The following MCC variants were observed in gnomAD, a reference collection of about 807,000 sequenced individuals.
MCC encodes the protein colorectal mutant cancer protein.
MCC carries 90 observed loss-of-function variants against 116.2 expected under a neutral mutation model. The observed-to-expected ratio is 0.77, with a 90% CI of 0.65 to 0.92. The LOEUF is 0.92. MCC is among the 40% of genes least tolerant of loss of function. The pLI is 0.00. For synonymous variants in MCC, 578 were observed against 510.5 expected (o/e 1.13, Z -1.78); for missense variants, 1,516 against 1,312.2 (o/e 1.16, Z -2.40).
chr5:113,215,130 T>C (rs1763263209), intron 3 of MCC, among the ~76,000 whole-genome samples: 1 of 152,198 alleles, frequency 6.6e-6, no homozygotes, highest in South Asian at 2.1e-4. Context: ...CAGCTATCAC[T>C]TCCTCCAGAA....
At chr5:113,444,209 G>A (rs986695159) in intron 1 of MCC, among the ~76,000 whole-genome samples, 4 of 152,104 alleles carry the variant, frequency 2.6e-5, no homozygotes, top group African/African-American at 9.7e-5. Flanking sequence ...ACAGGTTACA[G>A]GTCAATTTTA....
In MCC at chr5:113,104,262, G is replaced by T; in HGVS notation, c.1121C>A (p.Ser374Tyr). Residue 374 changes from serine (S) to tyrosine (Y), a missense_variant, in exon 7 of 19, where the codon TCC (serine) becomes TAC (tyrosine). Transcript: ENST00000408903. ...AATGTGCTTGTCCACCTCGGCCACG[G>T]AGAGGCTGCAGCTGCTCTTCTTCCT... ...CGRKKSSCSL[S>Y]VAEVDKHIEQ... 6.2e-7 allele frequency: 1 copy of T among 1,614,050 alleles called. No homozygotes were observed. Among genetic ancestry groups the T allele is most frequent in the South Asian group, 1.1e-5 (1 of 91,072 alleles).
At chr5:113,134,522 CT>C (rs946261801) in intron 5 of MCC, among the ~76,000 whole-genome samples, 8 of 48,330 alleles carry the variant, frequency 1.7e-4, no homozygotes, top group Admixed American at 5.6e-4. Context: ...CAGCTTTGTT[CT>C]TTTTGCTCAG....
intron 3 of MCC, among the ~76,000 whole-genome samples, chr5:113,278,933 G>A (rs1765931754): frequency 6.6e-6 from 1 of 152,054 alleles, no homozygotes; most frequent in South Asian, 2.1e-4. Flanking sequence ...GTCTCTTTTT[G>A]CAAGCTGGCC....
At chr5:113,041,996 C>CA (rs1751736270) in intron 17 of MCC, among the ~76,000 whole-genome samples, 1 of 151,248 alleles carries the variant, frequency 6.6e-6, no homozygotes, top group South Asian at 2.1e-4. Flanking sequence ...GACTCTGTCT[C>CA]AAAAAACAAA....
intron 15 of MCC, among the ~76,000 whole-genome samples, chr5:113,050,253 T>C (rs1165047268): frequency 6.6e-6 from 1 of 152,154 alleles, no homozygotes; most frequent in Non-Finnish European, 1.5e-5. Flanking sequence ...TCCCTCCCTT[T>C]CAAGGTGAGC....
intron 3 of MCC, among the ~76,000 whole-genome samples, chr5:113,169,501 G>T (rs1370968276): frequency 6.6e-6 from 1 of 152,090 alleles, no homozygotes; most frequent in Non-Finnish European, 1.5e-5. Context: ...AGATAATTGG[G>T]TGGAGATGAG....
At chr5:113,106,708 C>A (rs1356965616) in intron 6 of MCC, among the ~76,000 whole-genome samples, 1 of 152,128 alleles carries the variant, frequency 6.6e-6, no homozygotes, top group Non-Finnish European at 1.5e-5. Context: ...TACAGGTACA[C>A]ATGACCACAA....
chr5:113,488,166 G>A (rs976202457), intron 1 of MCC, 79 bp downstream of exon 1: 9 of 1,366,726 alleles, frequency 6.6e-6, no homozygotes, highest in African/African-American at 3.0e-5. Flanking sequence ...AAGTTGGGGC[G>A]AGGGGGCAGA....
At chr5:113,028,789 G>C (rs982348796) in intron 18 of MCC, 145 bp downstream of exon 18, 40 of 894,244 alleles carry the variant, frequency 4.5e-5, no homozygotes, top group Non-Finnish European at 6.5e-5. Context: ...CTCTTAGAGA[G>C]CCAGGTAGGG....
intron 6 of MCC, among the ~76,000 whole-genome samples, chr5:113,114,316 C>T (rs566997966): frequency 9.2e-5 from 14 of 152,272 alleles, no homozygotes; most frequent in African/African-American, 2.6e-4. Context: ...AGATTTAACA[C>T]GGAGAGCGCA....
Position 113,469,760 on chromosome 5 carries a change from C to T in MCC, c.170+18485G>A, listed in dbSNP as rs565310308. Among the ~76,000 whole-genome samples, 4 of 152,290 alleles carry T rather than the reference C, an allele frequency of 2.6e-5. No homozygotes were observed. The South Asian group carries it at 6.2e-4, about 24-fold the overall frequency. On this transcript the variant is annotated intron_variant, in intron 1 of 18. Transcript: ENST00000408903. ...CTTGTTAACTTTCTGTCTCGTTGAT[C>T]TGTCTAATGTTGACAGTGGGGTGTT...
intron 3 of MCC, among the ~76,000 whole-genome samples, chr5:113,172,459 ACT>A (rs1761121794): frequency 7.5e-6 from 1 of 133,706 alleles, no homozygotes; most frequent in East Asian, 2.4e-4. Context: ...ACAGCTGAAA[ACT>A]CTACTCTGCC....
chr5:113,336,829 C>G (rs1767881993), intron 3 of MCC, among the ~76,000 whole-genome samples: 1 of 152,190 alleles, frequency 6.6e-6, no homozygotes, highest in Admixed American at 6.5e-5. Flanking sequence ...TGTTAAGCCT[C>G]ATGGTATCCA....
At chr5:113,123,236 C>T (rs1757840582) in intron 5 of MCC, among the ~76,000 whole-genome samples, 1 of 152,186 alleles carries the variant, frequency 6.6e-6, no homozygotes, top group Non-Finnish European at 1.5e-5. Flanking sequence ...TCTGGAGGGG[C>T]CCACAGGGGC....
chr5:113,108,478 C>T (rs1293241049), intron 6 of MCC, among the ~76,000 whole-genome samples: 2 of 151,130 alleles, frequency 1.3e-5, no homozygotes, highest in Admixed American at 6.6e-5. Flanking sequence ...CATAGTGAAA[C>T]CCTGTCTCTA....
chr5:113,031,025 C>G (rs964520386), intron 17 of MCC, among the ~76,000 whole-genome samples: 1 of 152,158 alleles, frequency 6.6e-6, no homozygotes, highest in Admixed American at 6.5e-5. Context: ...ACTGTTCAGA[C>G]CCTGGTTCTC....
At chr5:113,442,077 ACT>A (rs1230555211) in intron 1 of MCC, among the ~76,000 whole-genome samples, 1 of 152,230 alleles carries the variant, frequency 6.6e-6, no homozygotes, top group Non-Finnish European at 1.5e-5. Flanking sequence ...CTAGAAATAC[ACT>A]GTCTTCCCCA....
rs1561571054 is a variant in MCC at position 113,434,971 on chromosome 5, G to A, written c.171-49759C>T. On this transcript the variant is annotated intron_variant, in intron 1 of 18. Coordinates refer to ENST00000408903, the MANE Select transcript of MCC (RefSeq NM_001085377.2). The surrounding 1 kb of genome is among the most constrained non-coding windows in gnomAD (Gnocchi z 4.2). ...CCAGGCCTGCTGTTCCTGCCTCCTA[G>A]AGGCCAAGACTCTGGAGTGGAACAT... 3.5e-6 allele frequency: 4 copies of A among 1,143,860 alleles called. No homozygotes were observed. The African/African-American group carries it at 4.7e-5, about 13-fold the overall frequency. The allele number at this position is 1,143,860 out of a possible 1,614,324, so 70.9% of individuals were successfully genotyped here.
Sources: allele counts gnomAD v4.1 joint callset (sites outside exome capture counted in the v4.1 genomes callset), GRCh38; gene constraint gnomAD v4.1.1; non-coding constraint Gnocchi (gnomAD v3.1); transcripts MANE v1.5; gene names NCBI Gene and HGNC (gene_info 2026-07-23, HGNC 2026-07-21).